Variants in SLC2A13 observed in about 807,000 individuals in gnomAD.
SLC2A13 encodes proton myo-inositol cotransporter.
Under a neutral mutation model 64.4 loss-of-function variants are expected in SLC2A13, and 32 were observed. The ratio of observed to expected loss-of-function variants is 0.50; its 90% confidence interval spans 0.37 to 0.67. The LOEUF (loss-of-function observed/expected upper bound fraction) is 0.67, where lower values mean the gene tolerates loss of function less well. Ranked by LOEUF, SLC2A13 falls within the 30% of genes least tolerant of loss-of-function variation. SLC2A13 has a pLI of 0.00. For synonymous variants in SLC2A13, 338 were observed against 327.1 expected (o/e 1.03, Z -0.36); for missense variants, 743 against 829.2 (o/e 0.90, Z 1.28).
intron 4 of SLC2A13, among the ~76,000 whole-genome samples, chr12:39,889,495 T>G (rs550167804): frequency 3.1e-4 from 47 of 151,424 alleles, no homozygotes; most frequent in Non-Finnish European, 6.2e-4. Flanking sequence ...AGAAAGTGAG[T>G]AGAGGCCGAC....
At position 40,042,187 on chromosome 12, in the gene SLC2A13, A is replaced by T. The variant is rs118128122; in HGVS notation, c.716+5864T>A. Among the ~76,000 whole-genome samples, 701 of 152,358 alleles carry T rather than the reference A, an allele frequency of 4.6e-3. 2 individuals carry two copies. Among genetic ancestry groups the T allele is most frequent in the Non-Finnish European group, 7.2e-3 (489 of 68,034 alleles). On this transcript the variant is annotated intron_variant, in intron 2 of 9. Coordinates refer to ENST00000280871, the MANE Select transcript of SLC2A13 (RefSeq NM_052885.4). ...ATGAAAATGACTAGCACAACCAGACATTTAACAAATGGTTGTACATAGTTT... is the reference window on the plus strand; with the variant it reads ...ATGAAAATGACTAGCACAACCAGACTTTTAACAAATGGTTGTACATAGTTT...
intron 3 of SLC2A13, among the ~76,000 whole-genome samples, chr12:39,980,908 G>T (rs1946880885): frequency 6.6e-6 from 1 of 151,722 alleles, no homozygotes; most frequent in African/African-American, 2.4e-5. Context: ...TTCCAAAATT[G>T]ACCACATAGT....
rs375372405 is a variant in SLC2A13 at position 40,105,566 on chromosome 12, C to A, written c.243G>T (p.Val81=). The A allele has an allele frequency of 2.2e-3, 3,396 of 1,573,828 alleles. 100 individuals carry two copies. In the South Asian group the frequency reaches 0.037, roughly 17 times the overall value. Residue 81 remains valine, a synonymous_variant, in exon 1 of 10, where the codon GTG becomes GTT. Coordinates refer to ENST00000280871, the MANE Select transcript of SLC2A13 (RefSeq NM_052885.4). This position sits in a 1 kb window ranked among gnomAD's most constrained non-coding sequence, Gnocchi z 4.2. ...GCGCGGAGAAGACGGCCACCACGTA[C>A]ACGAAGGCGGGGGTCTCGTCCTGCT... is the stretch of plus-strand genomic sequence containing the variant. The part of the protein sequence containing the change: ...QFQQDETPAF[V]YVVAVFSALG...
At chr12:39,880,250 C>T (rs535200021) in intron 4 of SLC2A13, among the ~76,000 whole-genome samples, 275 of 152,240 alleles carry the variant, frequency 1.8e-3, no homozygotes, top group Middle Eastern at 3.4e-3. Context: ...TTATTTGTAG[C>T]AATGCAAGAA....
At chr12:40,025,504 G>A (rs1408275620) in intron 3 of SLC2A13, among the ~76,000 whole-genome samples, 2 of 152,214 alleles carry the variant, frequency 1.3e-5, no homozygotes, top group East Asian at 3.8e-4. Flanking sequence ...GGAACTGCTA[G>A]ATAAGACATG....
chr12:39,890,268 A>G (rs1020907549), intron 4 of SLC2A13, among the ~76,000 whole-genome samples: 3 of 152,208 alleles, frequency 2.0e-5, no homozygotes, highest in African/African-American at 7.2e-5. Flanking sequence ...AGATTTATGT[A>G]AAAGGAAGTT....
chr12:40,006,114 C>G (rs1050365259), intron 3 of SLC2A13, among the ~76,000 whole-genome samples: 1 of 152,208 alleles, frequency 6.6e-6, no homozygotes, highest in African/African-American at 2.4e-5. Flanking sequence ...TAACCCCATA[C>G]AGTCAGCTAA....
At chr12:40,062,900 T>G (rs906439161) in intron 1 of SLC2A13, among the ~76,000 whole-genome samples, 21 of 152,122 alleles carry the variant, frequency 1.4e-4, no homozygotes, top group African/African-American at 5.1e-4. Context: ...GCTCACATTT[T>G]AAGTGACATT....
At chr12:39,908,498 A>G (rs1235650921) in intron 4 of SLC2A13, among the ~76,000 whole-genome samples, 1 of 151,982 alleles carries the variant, frequency 6.6e-6, no homozygotes, top group Admixed American at 6.6e-5. Flanking sequence ...GGAAAAAGAA[A>G]TACCTGGAGC....
At chr12:39,910,786 T>C (rs993112785) in intron 4 of SLC2A13, among the ~76,000 whole-genome samples, 2 of 152,044 alleles carry the variant, frequency 1.3e-5, no homozygotes, top group Non-Finnish European at 2.9e-5. Context: ...AAATTTTAAA[T>C]TTTAGTCAGA....
rs571771347 is a variant in SLC2A13, at chr12:40,082,706, C to T, written c.556+22547G>A. On this transcript the variant is annotated intron_variant, in intron 1 of 9. Transcript: ENST00000280871. Reference sequence around the variant, plus strand: ...CTATGCTCCACTGCAGCCATTCCCACGCCAGACCCCTGGGGATCCATGCAA... The same window carrying T: ...CTATGCTCCACTGCAGCCATTCCCATGCCAGACCCCTGGGGATCCATGCAA... Among the ~76,000 whole-genome samples the T allele has an allele frequency of 4.6e-5, 7 of 152,316 alleles. No homozygotes were observed. The South Asian group carries it at 6.2e-4, about 14-fold the overall frequency.
chr12:39,942,334 A>G (rs1946045975), intron 4 of SLC2A13, among the ~76,000 whole-genome samples: 1 of 152,230 alleles, frequency 6.6e-6, no homozygotes, highest in Non-Finnish European at 1.5e-5. Flanking sequence ...GATTCTACCC[A>G]TCCATGAGCA....
intron 7 of SLC2A13, among the ~76,000 whole-genome samples, chr12:39,767,359 CTATGCTGTAAATA>C (rs1940396534): frequency 6.7e-6 from 1 of 150,274 alleles, no homozygotes; most frequent in Non-Finnish European, 1.5e-5. Flanking sequence ...ATTCTCCAAA[CTATGCTGTAAATA>C]TAAGTGCTGT....
At chr12:39,824,318 T>C (rs1034421690) in intron 7 of SLC2A13, among the ~76,000 whole-genome samples, 1 of 152,234 alleles carries the variant, frequency 6.6e-6, no homozygotes, top group Non-Finnish European at 1.5e-5. Context: ...TACCGACTGA[T>C]ATTGAACATC....
intron 3 of SLC2A13, among the ~76,000 whole-genome samples, chr12:39,979,784 C>A (rs1339270161): frequency 8.9e-6 from 1 of 112,562 alleles, no homozygotes; most frequent in Non-Finnish European, 1.8e-5. Context: ...CCCAATCTAG[C>A]AAGGCAGGCC....
intron 7 of SLC2A13, among the ~76,000 whole-genome samples, chr12:39,806,546 A>G (rs1473231771): frequency 1.2e-4 from 19 of 152,210 alleles, no homozygotes; most frequent in Non-Finnish European, 5.9e-5. Context: ...ACAAAAAGTC[A>G]TGTTCTCAGT....
intron 7 of SLC2A13, among the ~76,000 whole-genome samples, chr12:39,822,097 G>T (rs1942535048): frequency 8.3e-6 from 1 of 120,510 alleles, no homozygotes; most frequent in Non-Finnish European, 1.6e-5. Context: ...AGTCCCCAGA[G>T]TGTGATGTTC....
intron 1 of SLC2A13, among the ~76,000 whole-genome samples, chr12:40,073,263 G>A (rs539388353): frequency 1.3e-5 from 2 of 152,148 alleles, no homozygotes; most frequent in South Asian, 4.1e-4. Flanking sequence ...ACCAGAAAGA[G>A]TCTCTGAGCT....
In SLC2A13 at chr12:39,963,082, C is replaced by A. The variant is rs1946443214; in HGVS notation, c.926-11717G>T. ...CAGGCGGATCACGAGGTCAGGAGAT[C>A]GAGACCATCCTGGCTAACACGGTGA... is the stretch of plus-strand genomic sequence containing the variant. On this transcript the variant is annotated intron_variant, in intron 3 of 9. Coordinates refer to ENST00000280871, the MANE Select transcript of SLC2A13 (RefSeq NM_052885.4). Among the ~76,000 whole-genome samples the A allele has an allele frequency of 2.0e-5, 3 of 152,064 alleles. No homozygotes were observed. In the Middle Eastern group the frequency reaches 0.01, roughly 517 times the overall value.
Sources: allele counts gnomAD v4.1 joint callset (sites outside exome capture counted in the v4.1 genomes callset), GRCh38; gene constraint gnomAD v4.1.1; non-coding constraint Gnocchi (gnomAD v3.1); transcripts MANE v1.5; gene names NCBI Gene and HGNC (gene_info 2026-07-23, HGNC 2026-07-21).